Variants in SH3D21 observed in about 807,000 individuals in gnomAD.
SH3D21 encodes the protein SH3 domain-containing protein 21.
A neutral mutation model predicts 82.1 loss-of-function variants in SH3D21; 83 were observed. The observed-to-expected ratio is 1.01, with a 90% CI of 0.85 to 1.21. SH3D21 has a LOEUF of 1.21. Among genes scored for constraint, SH3D21 ranks in the 50% most tolerant of loss-of-function variants. The pLI is 0.00. For missense variants in SH3D21, 980 were observed against 962.1 expected (o/e 1.02, Z -0.25); for synonymous variants, 383 against 387.8 (o/e 0.99, Z 0.15).
intron 11 of SH3D21, 44 bp downstream of exon 11, chr1:36,319,208 CA>C: frequency 6.5e-7 from 1 of 1,548,650 alleles, no homozygotes; most frequent in Non-Finnish European, 8.7e-7. Flanking sequence ...GGGTAGGAGG[CA>C]ACGCCCCTCC....
At chr1:36,326,871 G>A (rs1009997871), downstream of SH3D21, among the ~76,000 whole-genome samples, 11 of 152,198 alleles carry the variant, frequency 7.2e-5, no homozygotes, top group Non-Finnish European at 1.5e-4. Flanking sequence ...CAGGTTTGGG[G>A]GTAGTCAGTT....
At chr1:36,322,451 C>T, downstream of SH3D21, 1 of 1,604,720 alleles carries the variant, frequency 6.2e-7, no homozygotes, top group Non-Finnish European at 8.5e-7. Context: ...CCTCCGCCGA[C>T]GTGAAGACGT....
chr1:36,312,939 C>T (rs934219548), intron 10 of SH3D21, among the ~76,000 whole-genome samples: 6 of 152,104 alleles, frequency 3.9e-5, no homozygotes, highest in African/African-American at 1.4e-4. Flanking sequence ...GTCTCGAACT[C>T]CTGACTTTGT....
rs374215438 is a variant in SH3D21, at chr1:36,321,030, A to G, written c.2200-26A>G. On this transcript the variant is annotated intron_variant, in intron 15 of 15. Transcript: ENST00000453908. This position sits in a 1 kb window ranked among gnomAD's most constrained non-coding sequence, Gnocchi z 6.1. ...GGCTGACGGCGAGTGGCCCCCTGAC[A>G]AAGTCTCCACCTCACTCCCGACCAG... 9.7e-5 allele frequency: 155 copies of G among 1,603,228 alleles called. No individual in the cohort carries two copies. The African/African-American group carries it at 1.8e-3, about 19-fold the overall frequency.
At chr1:36,314,023 G>A (rs1646295147) in intron 10 of SH3D21, among the ~76,000 whole-genome samples, 1 of 82,360 alleles carries the variant, frequency 1.2e-5, no homozygotes, top group Non-Finnish European at 2.4e-5. Context: ...CACCCAGGCT[G>A]GAGTGCAGTG....
At chr1:36,323,044 C>T, downstream of SH3D21, 1 of 1,599,752 alleles carries the variant, frequency 6.3e-7, no homozygotes, top group Non-Finnish European at 8.5e-7. Context: ...CCATGCTGCT[C>T]TGGGGGGCAG....
chr1:36,322,836 G>T (rs965682593), downstream of SH3D21: 60 of 1,492,048 alleles, frequency 4.0e-5, no homozygotes, highest in African/African-American at 3.6e-4. Flanking sequence ...ACCCCTACTC[G>T]AAGGGCATTA....
In SH3D21 at chr1:36,320,979, G is replaced by T; in HGVS notation, c.2199+1G>T. 6.4e-7 allele frequency: 1 copy of T among 1,572,820 alleles called. No homozygotes were observed. The highest frequency in any genetic ancestry group is 8.6e-7 in the Non-Finnish European group (1 of 1,159,374). On this transcript the variant is annotated splice_donor_variant, in intron 15 of 15. Coordinates refer to ENST00000453908, the MANE Select transcript of SH3D21 (RefSeq NM_001162530.2). LOFTEE classifies it high-confidence loss of function. ...GAAGGAGCAGCGCCGGCGGCTGGAG[G>T]TGAGGCGCGGGTCCCGGCGGGAGGG...
chr1:36,322,785 C>A, downstream of SH3D21: 3 of 1,512,802 alleles, frequency 2.0e-6, no homozygotes, highest in South Asian at 1.2e-5. Context: ...TGTCCCACTT[C>A]CGAAAGACCC....
In SH3D21 at chr1:36,307,737, A is replaced by G; in HGVS notation, c.437-33A>G. ...TCTCCCATGACCTAACCTGTGAATT[A>G]GCACCCTCCCTAACCTCACTGTCCC... On this transcript the variant is annotated intron_variant, in intron 5 of 15. Coordinates refer to ENST00000453908, the MANE Select transcript of SH3D21 (RefSeq NM_001162530.2). The surrounding 1 kb of genome is among the most constrained non-coding windows in gnomAD (Gnocchi z 5.4). 1 of 1,548,992 alleles carries G rather than the reference A, an allele frequency of 6.5e-7. No individual in the cohort carries two copies. Among genetic ancestry groups the G allele is most frequent in the Non-Finnish European group, 8.7e-7 (1 of 1,145,320 alleles).
At chr1:36,327,095 C>G (rs192067202), downstream of SH3D21, among the ~76,000 whole-genome samples, 1 of 152,216 alleles carries the variant, frequency 6.6e-6, no homozygotes, top group East Asian at 1.9e-4. Flanking sequence ...ATTGAGGGGT[C>G]TCCTGGAGGT....
downstream of SH3D21, among the ~76,000 whole-genome samples, chr1:36,326,234 C>CTTT (rs369308991): frequency 3.2e-4 from 46 of 144,374 alleles, no homozygotes; most frequent in African/African-American, 1.2e-3. Flanking sequence ...TTCTTTCTTT[C>CTTT]TTTTTTTTTT....
chr1:36,306,543 G>A lies in SH3D21; in HGVS notation c.5-55G>A. Reference sequence around the variant, plus strand: ...CTTGGGGACACGCCCGCCCTAGCCAGGCTGCCCGGCTGGGCCTTTCTGAGC... The same window carrying A: ...CTTGGGGACACGCCCGCCCTAGCCAAGCTGCCCGGCTGGGCCTTTCTGAGC... On this transcript the variant is annotated intron_variant, in intron 1 of 15. Coordinates refer to ENST00000453908, the MANE Select transcript of SH3D21 (RefSeq NM_001162530.2). The surrounding 1 kb of genome is among the most constrained non-coding windows in gnomAD (Gnocchi z 4.5). 3.8e-6 allele frequency: 5 copies of A among 1,302,792 alleles called. No individual in the cohort carries two copies. Among genetic ancestry groups the A allele is most frequent in the Non-Finnish European group, 4.0e-6 (4 of 988,210 alleles). The allele number at this position is 1,302,792 out of a possible 1,614,324, so 80.7% of individuals were successfully genotyped here.
intron 10 of SH3D21, among the ~76,000 whole-genome samples, chr1:36,315,958 T>C (rs918938090): frequency 2.6e-5 from 4 of 152,240 alleles, no homozygotes; most frequent in Non-Finnish European, 5.9e-5. Flanking sequence ...TGTGTGATAA[T>C]TTTCCAAACC....
intron 10 of SH3D21, among the ~76,000 whole-genome samples, chr1:36,312,035 T>A (rs1420447894): frequency 1.3e-5 from 2 of 151,644 alleles, no homozygotes; most frequent in African/African-American, 2.4e-5. Flanking sequence ...TTTTTTTAAA[T>A]TTTTTTTGAG....
At chr1:36,314,993 T>G (rs1176031543) in intron 10 of SH3D21, among the ~76,000 whole-genome samples, 1 of 152,078 alleles carries the variant, frequency 6.6e-6, no homozygotes, top group African/African-American at 2.4e-5. Context: ...AAGAACATTA[T>G]CAAGCATACA....
chr1:36,311,983 C>T (rs529013483), intron 10 of SH3D21, among the ~76,000 whole-genome samples: 23 of 152,094 alleles, frequency 1.5e-4, no homozygotes, highest in Admixed American at 7.2e-4. Flanking sequence ...GTGTCAGCCA[C>T]GGTGCCTGGC....
chr1:36,323,207 G>A, downstream of SH3D21: 1 of 707,784 alleles, frequency 1.4e-6, no homozygotes, highest in East Asian at 3.3e-5. Flanking sequence ...GGCGGCCCGG[G>A]GCCCTGTCGG....
intron 9 of SH3D21, among the ~76,000 whole-genome samples, chr1:36,308,875 C>T (rs1035078849): frequency 6.6e-6 from 1 of 151,572 alleles, no homozygotes; most frequent in African/African-American, 2.4e-5. Context: ...CCCAGCTACT[C>T]AGGAGGCGGA....
Sources: allele counts gnomAD v4.1 joint callset (sites outside exome capture counted in the v4.1 genomes callset), GRCh38; gene constraint gnomAD v4.1.1; non-coding constraint Gnocchi (gnomAD v3.1); transcripts MANE v1.5; gene names NCBI Gene and HGNC (gene_info 2026-07-23, HGNC 2026-07-21).